Variants in LIPC observed in about 807,000 individuals in gnomAD.
The protein encoded by LIPC is lipase C, hepatic type, also known as hepatic triacylglycerol lipase.
LIPC carries 44 observed loss-of-function variants against 50.7 expected under a neutral mutation model. The observed-to-expected ratio is 0.87, with a 90% confidence interval of 0.68 to 1.11. LIPC has a LOEUF of 1.11. LIPC is among the 50% of genes most tolerant of loss of function. The pLI, the probability that LIPC is intolerant of heterozygous loss-of-function variation, is 0.00. For missense variants in LIPC, 697 were observed against 648.2 expected (o/e 1.08, Z -0.82); for synonymous variants, 271 against 256.4 (o/e 1.06, Z -0.54).
chr15:58,515,264 A>T (rs897929196), intron 1 of LIPC, among the ~76,000 whole-genome samples: 1 of 152,136 alleles, frequency 6.6e-6, no homozygotes, highest in African/African-American at 2.4e-5. Context: ...GGTTCTGGGG[A>T]TTCAGATGTG....
At position 58,489,217 on chromosome 15, in the gene LIPC, C is replaced by CGG. The variant is rs59532809; in HGVS notation, c.89-49112_89-49111dup. Among the ~76,000 whole-genome samples the CGG allele has an allele frequency of 7.3e-3, 119 of 16,412 alleles. 1 individual carries two copies. The highest frequency in any genetic ancestry group is 0.018 in the East Asian group (9 of 508). 10.8% of individuals were successfully genotyped at this position (16,412 alleles called of 152,430 possible). A position where few individuals can be genotyped will look rare whatever the true frequency, so the allele number is the denominator to read the frequency against. On this transcript the variant is annotated intron_variant, in intron 1 of 8. Coordinates refer to ENST00000299022, the MANE Select transcript of LIPC (RefSeq NM_000236.3). ...CAACCATTAGGGATTCATTTTGTTG[C>CGG]GGGGGCGGGGGGGCGGCTTACAAGC...
rs937475620 is a variant in LIPC at position 58,481,691 on chromosome 15, G to A, written c.88+49571G>A. ...CTGGCACCTGTAACCCCAGCTACTC[G>A]AGAGGCTGAGGCAGGGAGAATTGCT... On this transcript the variant is annotated intron_variant, in intron 1 of 8. Coordinates refer to ENST00000299022, the MANE Select transcript of LIPC (RefSeq NM_000236.3). Among the ~76,000 whole-genome samples, 9 of 152,254 alleles carry A rather than the reference G, an allele frequency of 5.9e-5. No individual in the cohort carries two copies. The East Asian group carries it at 1.4e-3, about 23-fold the overall frequency.
intron 2 of LIPC, 36 bp from the exon 3 acceptor site, chr15:58,541,749 G>A (rs1287830824): frequency 6.2e-7 from 1 of 1,603,454 alleles, no homozygotes; most frequent in African/African-American, 1.3e-5. Flanking sequence ...GGGGAGAAAG[G>A]AAACTAGTGC....
intron 1 of LIPC, among the ~76,000 whole-genome samples, chr15:58,537,426 C>A (rs1595930586): frequency 6.6e-6 from 1 of 152,188 alleles, no homozygotes; most frequent in Admixed American, 6.5e-5. Flanking sequence ...TCTCCTTTTC[C>A]ACCTCCCACG....
At chr15:58,512,279 A>G (rs1892352707) in intron 1 of LIPC, among the ~76,000 whole-genome samples, 1 of 151,930 alleles carries the variant, frequency 6.6e-6, no homozygotes, top group African/African-American at 2.4e-5. Flanking sequence ...TTGTATTTTT[A>G]GTAGAGATGG....
chr15:58,467,432 T>C (rs941627205), intron 1 of LIPC, among the ~76,000 whole-genome samples: 1 of 152,186 alleles, frequency 6.6e-6, no homozygotes, highest in Non-Finnish European at 1.5e-5. Flanking sequence ...TCTGGTCCCC[T>C]CATAGAAGCA....
intron 1 of LIPC, among the ~76,000 whole-genome samples, chr15:58,470,694 G>A (rs1894761857): frequency 6.6e-6 from 1 of 150,946 alleles, no homozygotes. Context: ...CCGCCTCCCG[G>A]GTGCACACCA....
In LIPC at chr15:58,486,503, G is replaced by A. The variant is rs542499950; in HGVS notation, c.89-51830G>A. The stretch of plus-strand genomic sequence containing the variant: ...CCCAAAAGTAGTTATGACCCTCTGA[G>A]ATGAAGCCCTGTGCCTTGTTCATCA... On this transcript the variant is annotated intron_variant, in intron 1 of 8. Transcript: ENST00000299022. Among the ~76,000 whole-genome samples, 16 of 152,322 alleles carry A rather than the reference G, an allele frequency of 1.1e-4. No individual in the cohort carries two copies. The Middle Eastern group carries it at 0.01, about 97-fold the overall frequency.
intron 1 of LIPC, among the ~76,000 whole-genome samples, chr15:58,534,362 A>C (rs1203326337): frequency 6.6e-6 from 1 of 152,138 alleles, no homozygotes; most frequent in Non-Finnish European, 1.5e-5. Context: ...TTCTAGGAAT[A>C]AGCGACAGAC....
chr15:58,503,892 T>TACACACCC (rs1188104095), intron 1 of LIPC, among the ~76,000 whole-genome samples: 9 of 146,846 alleles, frequency 6.1e-5, no homozygotes, highest in African/African-American at 1.4e-4. Flanking sequence ...TATATGTACA[T>TACACACCC]ACACACCCAC....
At chr15:58,458,240 GTCA>G (rs1894207612) in intron 1 of LIPC, among the ~76,000 whole-genome samples, 1 of 152,048 alleles carries the variant, frequency 6.6e-6, no homozygotes, top group South Asian at 2.1e-4. Flanking sequence ...TTTAAATGAG[GTCA>G]TCAGGAAGTG....
intron 7 of LIPC, among the ~76,000 whole-genome samples, chr15:58,562,854 G>A (rs943671087): frequency 2.4e-4 from 34 of 143,958 alleles, no homozygotes; most frequent in African/African-American, 7.7e-4. Flanking sequence ...ATCCACTGCT[G>A]CCTCTGCACT....
intron 5 of LIPC, among the ~76,000 whole-genome samples, chr15:58,546,657 G>C (rs1442886478): frequency 6.6e-6 from 1 of 152,084 alleles, no homozygotes; most frequent in Admixed American, 6.5e-5. Flanking sequence ...CACATTCCAC[G>C]GGCATTCCAA....
In LIPC at chr15:58,449,227, G is replaced by A. The variant is rs16940320; in HGVS notation, c.88+17107G>A. On this transcript the variant is annotated intron_variant, in intron 1 of 8. Transcript: ENST00000299022. ...CTTCAGCCACCATGCAACCCATCTG[G>A]ATAATGGACTGTTATGAAGCATGTT... is the stretch of plus-strand genomic sequence containing the variant. 9.1e-3 allele frequency among the ~76,000 whole-genome samples: 1,389 copies of A among 152,304 alleles called. 18 individuals carry two copies. The highest frequency in any genetic ancestry group is 0.032 in the African/African-American group (1,330 of 41,576).
intron 1 of LIPC, chr15:58,497,730 A>G (rs2140828127): frequency 6.6e-6 from 1 of 152,414 alleles, no homozygotes; most frequent in East Asian, 1.9e-4. Context: ...TCTCCATCGC[A>G]GACACCTTCA....
chr15:58,482,404 G>A (rs1214492534), intron 1 of LIPC, among the ~76,000 whole-genome samples: 1 of 135,378 alleles, frequency 7.4e-6, no homozygotes, highest in Non-Finnish European at 1.6e-5. Context: ...GGTTGTCTAC[G>A]TGTATGGAGT....
At chr15:58,432,548 G>C (rs1893159907) in intron 1 of LIPC, among the ~76,000 whole-genome samples, 1 of 152,186 alleles carries the variant, frequency 6.6e-6, no homozygotes, top group African/African-American at 2.4e-5. Context: ...GAAGAGAGGG[G>C]AATTTATGAG....
intron 1 of LIPC, among the ~76,000 whole-genome samples, chr15:58,516,869 A>C (rs1008991489): frequency 6.6e-6 from 1 of 152,160 alleles, no homozygotes; most frequent in African/African-American, 2.4e-5. Context: ...GCTTCTTTGC[A>C]TGCCTGGTAA....
intron 1 of LIPC, among the ~76,000 whole-genome samples, chr15:58,452,841 G>A (rs1402851503): frequency 6.6e-6 from 1 of 152,206 alleles, no homozygotes; most frequent in Non-Finnish European, 1.5e-5. Context: ...ACAGCTGGGG[G>A]ACACAGAGGT....
Sources: gnomAD v4.1 joint callset for allele counts (sites outside exome capture counted in the v4.1 genomes callset) on GRCh38, gnomAD v4.1.1 for gene constraint, MANE v1.5 for transcripts, NCBI Gene and HGNC (gene_info 2026-07-23, HGNC 2026-07-21) for gene names.